ZNRF1: variants seen among roughly 807,000 people sequenced by gnomAD.
ZNRF1 encodes zinc and ring finger 1, also known as E3 ubiquitin-protein ligase ZNRF1.
Under a neutral mutation model 18.4 loss-of-function variants are expected in ZNRF1, and 3 were observed. The ratio of observed to expected loss-of-function variants is 0.16; its 90% confidence interval spans 0.07 to 0.42. The LOEUF is 0.42. ZNRF1 is among the 10% of genes least tolerant of loss of function. The pLI is 0.99. For missense variants in ZNRF1, 310 were observed against 329.8 expected, an observed-to-expected ratio of 0.94 and a Z score of 0.47; for synonymous variants, 157 against 144.2, an observed-to-expected ratio of 1.09 and a Z score of -0.64.
intron 1 of ZNRF1, among the ~76,000 whole-genome samples, chr16:75,012,506 GGTC>G (rs755806735): frequency 6.6e-6 from 1 of 152,148 alleles, no homozygotes; most frequent in Non-Finnish European, 1.5e-5. Flanking sequence ...ATTCATATAA[GGTC>G]GTCTGTGCTC....
At chr16:75,049,431 A>T (rs1277991712) in intron 1 of ZNRF1, among the ~76,000 whole-genome samples, 1 of 151,724 alleles carries the variant, frequency 6.6e-6, no homozygotes, top group Admixed American at 6.6e-5. Flanking sequence ...AGCTCAGGCA[A>T]TTCTCCTGCC....
intron 1 of ZNRF1, among the ~76,000 whole-genome samples, chr16:75,027,368 T>C (rs1488811931): frequency 6.6e-6 from 1 of 152,230 alleles, no homozygotes; most frequent in Non-Finnish European, 1.5e-5. Flanking sequence ...AATTGAATTG[T>C]GGGAATCCTT....
chr16:75,104,378 A>G (rs1392351951), intron 2 of ZNRF1: 1 of 158,812 alleles, frequency 6.3e-6, no homozygotes, highest in Non-Finnish European at 1.4e-5. Flanking sequence ...CTTGCCTCCT[A>G]CCACTCTACC....
intron 1 of ZNRF1, among the ~76,000 whole-genome samples, chr16:75,016,664 T>G (rs2035075120): frequency 6.6e-6 from 1 of 150,820 alleles, no homozygotes; most frequent in Non-Finnish European, 1.5e-5. Flanking sequence ...GCCTCCAGAG[T>G]AGCTGGGACT....
At chr16:75,006,200 G>C (rs933307397) in intron 1 of ZNRF1, among the ~76,000 whole-genome samples, 2 of 152,170 alleles carry the variant, frequency 1.3e-5, no homozygotes, top group African/African-American at 4.8e-5. Context: ...GGAAAGTGAA[G>C]CCTTGGACAA....
chr16:75,108,315 T>G lies in ZNRF1; in HGVS notation c.*615T>G. 2.9e-6 allele frequency: 1 copy of G among 348,594 alleles called. No individual in the cohort carries two copies. The allele number at this position is 348,594 out of a possible 1,614,324, so 21.6% of individuals were successfully genotyped here. A position where few individuals can be genotyped will look rare whatever the true frequency, so the allele number is the denominator to read the frequency against. On this transcript the variant is annotated 3_prime_UTR_variant, in exon 5 of 5. Transcript: ENST00000335325. ...ACTTCATTGCCAAAAAACAACCCAT[T>G]GAGAACTTTCTTCCTACTGATCCCA...
chr16:75,005,670 A>G (rs2034908009), intron 1 of ZNRF1, among the ~76,000 whole-genome samples: 2 of 152,224 alleles, frequency 1.3e-5, no homozygotes, highest in African/African-American at 2.4e-5. Flanking sequence ...CTTTTCCTGT[A>G]TATACATACC....
chr16:75,106,623 T>C, intron 4 of ZNRF1, 52 bp downstream of exon 4: 1 of 1,509,016 alleles, frequency 6.6e-7, no homozygotes, highest in Non-Finnish European at 9.2e-7. Flanking sequence ...GTCAGGTCAC[T>C]TTGGGGGCCT....
intron 1 of ZNRF1, among the ~76,000 whole-genome samples, chr16:75,057,393 G>A (rs1434105356): frequency 6.6e-6 from 1 of 152,012 alleles, no homozygotes; most frequent in African/African-American, 2.4e-5. Context: ...ATTTGGTCCT[G>A]GATAAAGAGG....
At chr16:75,088,996 A>G (rs2036106022) in intron 1 of ZNRF1, among the ~76,000 whole-genome samples, 1 of 152,124 alleles carries the variant, frequency 6.6e-6, no homozygotes, top group Non-Finnish European at 1.5e-5. Context: ...GCCACCCCCT[A>G]GTGGACTCTG....
At chr16:75,096,369 C>T (rs948323060) in intron 2 of ZNRF1, among the ~76,000 whole-genome samples, 14 of 152,140 alleles carry the variant, frequency 9.2e-5, no homozygotes, top group African/African-American at 3.4e-4. Flanking sequence ...GTGGAGTGGG[C>T]ATCCCCAGGC....
intron 1 of ZNRF1, among the ~76,000 whole-genome samples, chr16:75,000,918 G>A (rs1277161305): frequency 6.6e-6 from 1 of 152,160 alleles, no homozygotes; most frequent in Non-Finnish European, 1.5e-5. Flanking sequence ...AGGATTCAGA[G>A]AATCTGGATG....
chr16:75,070,451 C>G (rs962035173), intron 1 of ZNRF1, among the ~76,000 whole-genome samples: 1 of 152,222 alleles, frequency 6.6e-6, no homozygotes. Flanking sequence ...CCTAAACCCT[C>G]AATGGACCTT....
chr16:75,039,567 A>G (rs975118597), intron 1 of ZNRF1, among the ~76,000 whole-genome samples: 2 of 152,228 alleles, frequency 1.3e-5, no homozygotes, highest in Non-Finnish European at 2.9e-5. Context: ...TGTAAGAGGT[A>G]CAGATTCCCA....
At position 75,040,587 on chromosome 16, in the gene ZNRF1, G is replaced by GT. The variant is rs1018834712; in HGVS notation, c.424+40498dup. Among the ~76,000 whole-genome samples the GT allele has an allele frequency of 3.4e-4, 34 of 101,206 alleles. No homozygotes were observed. The South Asian group carries it at 0.01, about 30-fold the overall frequency. The allele number at this position is 101,206 out of a possible 152,430, so 66.4% of individuals were successfully genotyped here. ...CTTCACTCACCATGTTTTTGTTTTT[G>GT]TTTTTTGTGGGTTTTTTTTTTTTTT... On this transcript the variant is annotated intron_variant, in intron 1 of 4. Coordinates refer to ENST00000335325, the MANE Select transcript of ZNRF1 (RefSeq NM_032268.5).
chr16:75,014,944 T>G (rs1597858197), intron 1 of ZNRF1, among the ~76,000 whole-genome samples: 1 of 152,126 alleles, frequency 6.6e-6, no homozygotes. Context: ...TTGTGTTTCT[T>G]CTGTGAAATA....
intron 1 of ZNRF1, among the ~76,000 whole-genome samples, chr16:75,079,272 A>G (rs1027537794): frequency 6.6e-6 from 1 of 152,022 alleles, no homozygotes; most frequent in Non-Finnish European, 1.5e-5. Context: ...ACAAGGTCAA[A>G]AGATCAAGAC....
At chr16:75,099,491 C>A (rs935265200) in intron 2 of ZNRF1, among the ~76,000 whole-genome samples, 1 of 152,182 alleles carries the variant, frequency 6.6e-6, no homozygotes, top group African/African-American at 2.4e-5. Flanking sequence ...GAGGGACAGG[C>A]ACTGACACCA....
In ZNRF1 at chr16:75,066,353, A is replaced by G. The variant is rs2035804223; in HGVS notation, c.425-27219A>G. On this transcript the variant is annotated intron_variant, in intron 1 of 4. Transcript: ENST00000335325. ...CCCTGTTACATCAGTAGACCAAAGG[A>G]GGGGAAGACATGATTATCTCATTTG... Among the ~76,000 whole-genome samples, 7 of 152,330 alleles carry G rather than the reference A, an allele frequency of 4.6e-5. No individual in the cohort carries two copies. In the South Asian group the frequency reaches 1.4e-3, roughly 32 times the overall value.
Sources: gnomAD v4.1 joint callset for allele counts (sites outside exome capture counted in the v4.1 genomes callset) on GRCh38, gnomAD v4.1.1 for gene constraint, MANE v1.5 for transcripts, NCBI Gene and HGNC (gene_info 2026-07-23, HGNC 2026-07-21) for gene names.